MAK: variants seen among roughly 807,000 people sequenced by gnomAD.
MAK encodes male germ cell associated kinase, also known as serine/threonine-protein kinase MAK.
Under a neutral mutation model 82.6 loss-of-function variants are expected in MAK, and 65 were observed. The ratio of observed to expected loss-of-function variants is 0.79; its 90% CI spans 0.64 to 0.97. The LOEUF (loss-of-function observed/expected upper bound fraction) is 0.97, where lower values mean the gene tolerates loss of function less well. MAK is among the 50% of genes least tolerant of loss of function. The pLI, the probability that MAK is intolerant of heterozygous loss-of-function variation, is 0.00. For missense variants in MAK, 703 were observed against 780.2 expected, an observed-to-expected ratio of 0.90 and a Z score of 1.18; for synonymous variants, 250 against 274.2, an observed-to-expected ratio of 0.91 and a Z score of 0.87.
intron 14 of MAK, among the ~76,000 whole-genome samples, chr6:10,769,695 CTG>C (rs1772815540): frequency 6.6e-6 from 1 of 152,226 alleles, no homozygotes; most frequent in African/African-American, 2.4e-5. Context: ...TCACATCTCT[CTG>C]TGCAGCACAG....
At position 10,809,419 on chromosome 6, in the gene MAK, G is replaced by A. The variant is rs575508770; in HGVS notation, c.359-477C>T. ...TGTCCAGGCCAGAGCGTAGTGGCTCGATCTCGGCTCAAGCAATCCTCTCGG... is the reference window on the plus strand; with the variant it reads ...TGTCCAGGCCAGAGCGTAGTGGCTCAATCTCGGCTCAAGCAATCCTCTCGG... On this transcript the variant is annotated intron_variant, in intron 5 of 14. Coordinates refer to ENST00000354489, the MANE Select transcript of MAK (RefSeq NM_001242957.3). Among the ~76,000 whole-genome samples the A allele has an allele frequency of 9.9e-5, 15 of 152,258 alleles. No homozygotes were observed. In the East Asian group the frequency reaches 1.2e-3, roughly 12 times the overall value.
rs924442014 is a variant in MAK at position 10,818,967 on chromosome 6, G to A, written c.102-27C>T. 4.6e-6 allele frequency: 6 copies of A among 1,318,278 alleles called. No homozygotes were observed. The Admixed American group carries it at 5.2e-5, about 11-fold the overall frequency. 81.7% of individuals were successfully genotyped at this position (1,318,278 alleles called of 1,614,324 possible). On this transcript the variant is annotated intron_variant, in intron 2 of 14. Transcript: ENST00000354489. ...TAAAATAAATTAGGGAAAGTTTAGT[G>A]TTCAGGGATTGAGGATTCAAAGACA...
chr6:10,797,489 G>T, intron 8 of MAK: 1 of 597,906 alleles, frequency 1.7e-6, no homozygotes, highest in Non-Finnish European at 2.1e-6. Context: ...GCACACAATA[G>T]CACCCCACAG....
At chr6:10,833,624 T>C (rs1300675357) in intron 1 of MAK, among the ~76,000 whole-genome samples, 2 of 151,034 alleles carry the variant, frequency 1.3e-5, no homozygotes, top group Admixed American at 1.3e-4. Context: ...ATAATAATAA[T>C]AATAATAATA....
At position 10,815,945 on chromosome 6, in the gene MAK, T is replaced by TATATATATATATATATATATAA. The variant is rs1171616235; in HGVS notation, c.278+1904_278+1905insTTATATATATATATATATATAT. Reference sequence around the variant, plus strand: ...ATATATATATATATATATATATATATATGTATGTTTTCTTTTTTGTTTGAG... The same window carrying TATATATATATATATATATATAA: ...ATATATATATATATATATATATATATATATATATATATATATATATAAATGTATGTTTTCTTTTTTGTTTGAG... On this transcript the variant is annotated intron_variant, in intron 4 of 14. Transcript: ENST00000354489. 1.6e-3 allele frequency among the ~76,000 whole-genome samples: 192 copies of TATATATATATATATATATATAA among 116,782 alleles called. 12 individuals are homozygous for TATATATATATATATATATATAA. The highest frequency in any genetic ancestry group is 6.6e-3 in the African/African-American group (174 of 26,552). 76.6% of individuals were successfully genotyped at this position (116,782 alleles called of 152,430 possible).
Position 10,800,464 on chromosome 6 carries a change from T to G in MAK, c.831+1428A>C. On this transcript the variant is annotated intron_variant, in intron 8 of 14. Coordinates refer to ENST00000354489, the MANE Select transcript of MAK (RefSeq NM_001242957.3). The surrounding 1 kb of genome is among the most constrained non-coding windows in gnomAD (Gnocchi z 4.2). Reference sequence around the variant, plus strand: ...TCTTCTATTATTTTTATACCCGTGTTTTTTCACCTTGAGATCAAATACACA... The same window carrying G: ...TCTTCTATTATTTTTATACCCGTGTGTTTTCACCTTGAGATCAAATACACA... Among the ~76,000 whole-genome samples, 1 of 152,156 alleles carries G rather than the reference T, an allele frequency of 6.6e-6. No homozygotes were observed. Among genetic ancestry groups the G allele is most frequent in the East Asian group, 1.9e-4 (1 of 5,200 alleles).
At chr6:10,806,746 G>A (rs1409919611) in intron 6 of MAK, among the ~76,000 whole-genome samples, 3 of 151,904 alleles carry the variant, frequency 2.0e-5, no homozygotes, top group African/African-American at 7.3e-5. Flanking sequence ...ACCCGTCCTG[G>A]CCTCCCACAG....
Position 10,762,895 on chromosome 6 carries a change from ACT to A in MAK, c.*1555_*1556del, listed in dbSNP as rs1772083717. 6.6e-6 allele frequency: 1 copy of A among 152,512 alleles called. No homozygotes were observed. Among genetic ancestry groups the A allele is most frequent in the African/African-American group, 2.4e-5 (1 of 41,404 alleles). 9.4% of individuals were successfully genotyped at this position (152,512 alleles called of 1,614,324 possible). A position where few individuals can be genotyped will look rare whatever the true frequency, so the allele number is the denominator to read the frequency against. On this transcript the variant is annotated 3_prime_UTR_variant, in exon 15 of 15. Transcript: ENST00000354489. ...TCAACATCTTACATCTGAACAGTTG[ACT>A]CTTCTATACAAAAATATCATTATTA...
In MAK at chr6:10,817,884, T is replaced by G; in HGVS notation, c.244A>C (p.Met82Leu). The G allele has an allele frequency of 7.0e-7, 1 of 1,438,384 alleles. No homozygotes were observed. Among genetic ancestry groups the G allele is most frequent in the Admixed American group, 1.8e-5 (1 of 56,404 alleles). 89.1% of individuals were successfully genotyped at this position (1,438,384 alleles called of 1,614,324 possible). Residue 82 changes from methionine to leucine, a missense_variant, in exon 4 of 15, where the codon ATG becomes CTG. By Grantham distance (15) the Met-to-Leu change is conservative (BLOSUM62 2). Transcript: ENST00000354489. ...ATTAATTGATAGAGGTTTTCTTTCA[T>G]ATATTCAAATATAAAATAAAGATGG... ...NDHLYFIFEY[M>L]KENLYQLMKD...
At chr6:10,771,538 T>C (rs578107037) in intron 13 of MAK, among the ~76,000 whole-genome samples, 3 of 152,266 alleles carry the variant, frequency 2.0e-5, no homozygotes, top group South Asian at 2.1e-4. Flanking sequence ...GAAGGCGAAA[T>C]GGGGCTCTGA....
chr6:10,813,739 CAGTCACATA>C lies in MAK; in HGVS notation c.279-25_279-17del. ...CAACTTGTTTCTGTAAAGAAATGAA[CAGTCACATA>C]ATTCTGTTAAGCAACCAGCCAACCA... is the stretch of plus-strand genomic sequence containing the variant. On this transcript the variant is annotated splice_polypyrimidine_tract_variant and intron_variant, in intron 4 of 14. Coordinates refer to ENST00000354489, the MANE Select transcript of MAK (RefSeq NM_001242957.3). 4 of 1,434,324 alleles carry C rather than the reference CAGTCACATA, an allele frequency of 2.8e-6. No individual in the cohort carries two copies. Among genetic ancestry groups the C allele is most frequent in the Non-Finnish European group, 2.0e-6 (2 of 1,016,596 alleles). 88.8% of individuals were successfully genotyped at this position (1,434,324 alleles called of 1,614,324 possible).
In MAK at chr6:10,773,043, C is replaced by T. The variant is rs1242579831; in HGVS notation, c.1663G>A (p.Asp555Asn). The change falls in exon 13 of 15, where the codon GAC becomes AAC. Residue 555 changes from aspartate (D) to asparagine (N), a missense_variant. Asp to Asn is a conservative substitution (Grantham distance 23, BLOSUM62 1). Transcript: ENST00000354489. ...CNETFPEKLEDPQGNLGSYAT... is the reference protein window; with the variant it reads ...CNETFPEKLENPQGNLGSYAT... ...GACGCCCAGAAATTACCTTGTGGGT[C>T]CTCTAATTTTTCAGGAAAAGTTTCA... The T allele has an allele frequency of 6.5e-7, 1 of 1,529,408 alleles. No homozygotes were observed. Among genetic ancestry groups the T allele is most frequent in the South Asian group, 1.2e-5 (1 of 83,776 alleles). The allele number at this position is 1,529,408 out of a possible 1,614,324, so 94.7% of individuals were successfully genotyped here.
chr6:10,818,017 C>T (rs749050891), intron 3 of MAK, 46 bp from the exon 4 acceptor site: 21 of 1,245,648 alleles, frequency 1.7e-5, no homozygotes, highest in Non-Finnish European at 2.3e-5. Context: ...AAAAAACTTA[C>T]AGAATTTGGC....
intron 11 of MAK, among the ~76,000 whole-genome samples, chr6:10,782,331 A>T (rs548134386): frequency 1.3e-5 from 2 of 152,226 alleles, no homozygotes; most frequent in Admixed American, 1.3e-4. Flanking sequence ...TGATGGCTTC[A>T]TGCCAATTTC....
intron 6 of MAK, among the ~76,000 whole-genome samples, chr6:10,806,730 T>G (rs953306423): frequency 1.3e-5 from 2 of 151,916 alleles, no homozygotes; most frequent in African/African-American, 4.8e-5. Context: ...TGACCTCAGG[T>G]GATCCACCCG....
At chr6:10,804,363 G>C (rs1776243749) in intron 6 of MAK, among the ~76,000 whole-genome samples, 1 of 152,036 alleles carries the variant, frequency 6.6e-6, no homozygotes, top group African/African-American at 2.4e-5. Flanking sequence ...TATTTATTGA[G>C]TGGAGTTTTG....
chr6:10,824,431 C>T (rs999639250), intron 2 of MAK, among the ~76,000 whole-genome samples: 2 of 152,172 alleles, frequency 1.3e-5, no homozygotes, highest in Non-Finnish European at 2.9e-5. Context: ...ACCTGTGTGG[C>T]GTGGTTTGCC....
At chr6:10,795,848 T>C (rs1775502598) in intron 9 of MAK, 150 bp downstream of exon 9, 1 of 787,112 alleles carries the variant, frequency 1.3e-6, no homozygotes, top group African/African-American at 1.7e-5. Flanking sequence ...TTTTAAGTGA[T>C]CTCATGTCAA....
intron 1 of MAK, among the ~76,000 whole-genome samples, chr6:10,832,179 T>C (rs1473156836): frequency 6.6e-6 from 1 of 152,136 alleles, no homozygotes; most frequent in Admixed American, 6.5e-5. Flanking sequence ...AGAGATGGGG[T>C]TTCACCATGT....
Sources: allele counts gnomAD v4.1 joint callset (sites outside exome capture counted in the v4.1 genomes callset), GRCh38; gene constraint gnomAD v4.1.1; non-coding constraint Gnocchi (gnomAD v3.1); transcripts MANE v1.5; gene names NCBI Gene and HGNC (gene_info 2026-07-23, HGNC 2026-07-21).